The following EIF4G3 variants were observed in gnomAD, a reference collection of about 807,000 sequenced individuals.
EIF4G3 encodes the protein eIF-4-gamma 3.
A neutral mutation model predicts 186.4 loss-of-function variants in EIF4G3; 34 were observed. The ratio of observed to expected loss-of-function variants is 0.18; its 90% CI spans 0.14 to 0.24. The LOEUF is 0.24. Among genes scored for constraint, EIF4G3 ranks in the 10% least tolerant of loss-of-function variants. The pLI is 1.00. For missense variants in EIF4G3, 1,536 were observed against 1,948.5 expected, an observed-to-expected ratio of 0.79 and a Z score of 3.99; for synonymous variants, 673 against 679.5, an observed-to-expected ratio of 0.99 and a Z score of 0.15.
chr1:20,874,603 C>T (rs926664427), intron 20 of EIF4G3, among the ~76,000 whole-genome samples: 1 of 151,996 alleles, frequency 6.6e-6, no homozygotes, highest in Non-Finnish European at 1.5e-5. Flanking sequence ...TTCCTTAATC[C>T]TGGATTCTAA....
At chr1:20,871,109 A>G (rs1403740741) in intron 20 of EIF4G3, among the ~76,000 whole-genome samples, 3 of 152,184 alleles carry the variant, frequency 2.0e-5, no homozygotes, top group African/African-American at 7.2e-5. Context: ...TTAACAAACA[A>G]AATAATTTTA....
intron 2 of EIF4G3, among the ~76,000 whole-genome samples, chr1:21,099,903 T>C (rs181927390): frequency 1.2e-3 from 185 of 152,294 alleles, no homozygotes; most frequent in Non-Finnish European, 2.4e-3. Context: ...AGCATGTCCA[T>C]GTAAAACTTG....
At chr1:20,831,646 T>C (rs1282680462) in intron 30 of EIF4G3, among the ~76,000 whole-genome samples, 6 of 151,866 alleles carry the variant, frequency 4.0e-5, no homozygotes, top group Non-Finnish European at 8.8e-5. Context: ...TTAGGGTACA[T>C]GTGCACATTG....
intron 35 of EIF4G3, 117 bp from the exon 36 acceptor site, chr1:20,811,001 G>C: frequency 2.0e-6 from 2 of 989,020 alleles, no homozygotes; most frequent in South Asian, 1.7e-5. Flanking sequence ...CCAGGCTGGA[G>C]TGCAGTGGCA....
intron 12 of EIF4G3, among the ~76,000 whole-genome samples, chr1:20,951,567 C>T (rs1010101183): frequency 5.9e-5 from 9 of 152,082 alleles, no homozygotes; most frequent in East Asian, 1.9e-4. Flanking sequence ...CTAAAAATAC[C>T]GATTTTTCAG....
At chr1:21,108,156 C>T (rs1255705730) in intron 2 of EIF4G3, among the ~76,000 whole-genome samples, 1 of 152,070 alleles carries the variant, frequency 6.6e-6, no homozygotes, top group Admixed American at 6.6e-5. Context: ...AAGGCCCTGT[C>T]TCAAAGAAAC....
At chr1:20,981,565 TGTATACGC>T (rs2078050618) in intron 8 of EIF4G3, among the ~76,000 whole-genome samples, 1 of 140,142 alleles carries the variant, frequency 7.1e-6, no homozygotes, top group Non-Finnish European at 1.6e-5. Flanking sequence ...CATACATACA[TGTATACGC>T]ACATACTGTA....
chr1:21,130,650 AC>A (rs1274803517), intron 2 of EIF4G3, among the ~76,000 whole-genome samples: 1 of 152,124 alleles, frequency 6.6e-6, no homozygotes, highest in Non-Finnish European at 1.5e-5. Flanking sequence ...CTTAATCAAA[AC>A]TTAGGAGACA....
chr1:21,091,634 T>C (rs907669489), intron 2 of EIF4G3, among the ~76,000 whole-genome samples: 1 of 152,222 alleles, frequency 6.6e-6, no homozygotes, highest in African/African-American at 2.4e-5. Flanking sequence ...GCATGGAATG[T>C]TCTTCCATTT....
intron 33 of EIF4G3, among the ~76,000 whole-genome samples, chr1:20,822,507 T>C (rs2062670976): frequency 6.6e-6 from 1 of 151,614 alleles, no homozygotes; most frequent in Admixed American, 6.6e-5. Flanking sequence ...ATTTTTCTAT[T>C]TCATTGATTT....
intron 20 of EIF4G3, among the ~76,000 whole-genome samples, chr1:20,869,599 C>T (rs2078569842): frequency 6.6e-6 from 1 of 151,482 alleles, no homozygotes; most frequent in African/African-American, 2.4e-5. Flanking sequence ...CATGGTGAAA[C>T]CCAGTCTCTA....
intron 3 of EIF4G3, among the ~76,000 whole-genome samples, chr1:21,059,691 C>G (rs1330757907): frequency 6.6e-6 from 1 of 152,082 alleles, no homozygotes; most frequent in Non-Finnish European, 1.5e-5. Flanking sequence ...TTATATGATT[C>G]AAGTAATACT....
chr1:20,841,078 C>A, intron 29 of EIF4G3, 50 bp from the exon 30 acceptor site: 1 of 1,579,976 alleles, frequency 6.3e-7, no homozygotes, highest in Non-Finnish European at 8.6e-7. Flanking sequence ...ATAGTGTTAC[C>A]AGAATGTTAA....
chr1:20,985,311 G>T (rs1474653737), intron 7 of EIF4G3, among the ~76,000 whole-genome samples: 1 of 152,076 alleles, frequency 6.6e-6, no homozygotes, highest in East Asian at 1.9e-4. Flanking sequence ...CTCCCAAAAA[G>T]TGACTGAAAC....
At chr1:20,961,409 A>T (rs1296398178) in intron 12 of EIF4G3, among the ~76,000 whole-genome samples, 1 of 152,202 alleles carries the variant, frequency 6.6e-6, no homozygotes, top group Non-Finnish European at 1.5e-5. Flanking sequence ...AATTTTTATT[A>T]CTGCGTAACA....
At chr1:21,155,285 AAG>A (rs2097636139) in intron 2 of EIF4G3, among the ~76,000 whole-genome samples, 2 of 148,820 alleles carry the variant, frequency 1.3e-5, no homozygotes, top group Admixed American at 6.7e-5. Flanking sequence ...AAAAAAAAAA[AAG>A]AAAGAAAGAA....
intron 4 of EIF4G3, among the ~76,000 whole-genome samples, chr1:21,007,538 C>CACAAAAAAAAAAAAAAAAAAAA (rs2085587401): frequency 1.7e-5 from 1 of 58,488 alleles, no homozygotes; most frequent in African/African-American, 5.1e-5. Flanking sequence ...AAAAAAAAAA[C>CACAAAAAAAAAAAAAAAAAAAA]ACACTCAAAA....
intron 30 of EIF4G3, 110 bp from the exon 31 acceptor site, chr1:20,829,382 T>C (rs1449031178): frequency 1.5e-5 from 19 of 1,241,474 alleles, no homozygotes; most frequent in Non-Finnish European, 2.1e-5. Flanking sequence ...CCTGCTATGT[T>C]AGGTACAGTC....
At chr1:20,808,417 C>T (rs147238013) in intron 36 of EIF4G3, among the ~76,000 whole-genome samples, 17 of 151,968 alleles carry the variant, frequency 1.1e-4, no homozygotes, top group African/African-American at 4.1e-4. Context: ...CGCGGTGGCT[C>T]ACACCTTTAA....
Sources: gnomAD v4.1 joint callset for allele counts (sites outside exome capture counted in the v4.1 genomes callset) on GRCh38, gnomAD v4.1.1 for gene constraint, MANE v1.5 for transcripts, NCBI Gene and HGNC (gene_info 2026-07-23, HGNC 2026-07-21) for gene names.